Variants in ABCA6 observed in about 807,000 individuals in gnomAD.
The protein encoded by ABCA6 is ATP-binding cassette sub-family A member 6.
In ABCA6, 164 loss-of-function variants were observed where a neutral mutation model predicts 191.2. That is an observed-to-expected ratio of 0.86 (90% CI 0.76 to 0.98). The LOEUF (loss-of-function observed/expected upper bound fraction) is 0.98. Among genes scored for constraint, ABCA6 ranks in the 50% least tolerant of loss-of-function variants. The pLI, the probability that ABCA6 is intolerant of heterozygous loss-of-function variation, is 0.00. For missense variants in ABCA6, 1,958 were observed against 1,894.1 expected (o/e 1.03, Z -0.63); for synonymous variants, 636 against 647.7 (o/e 0.98, Z 0.27).
intron 10 of ABCA6, among the ~76,000 whole-genome samples, chr17:69,120,025 C>G (rs2073612147): frequency 6.6e-6 from 1 of 152,000 alleles, no homozygotes; most frequent in Non-Finnish European, 1.5e-5. Flanking sequence ...TAAGTACAGT[C>G]TGATACCATT....
chr17:69,139,125 A>C (rs1362176897), intron 2 of ABCA6, among the ~76,000 whole-genome samples: 1 of 152,230 alleles, frequency 6.6e-6, no homozygotes, highest in African/African-American at 2.4e-5. Flanking sequence ...GAGCTTCTGC[A>C]CAGCAAAAGA....
chr17:69,113,170 T>G (rs978730828), intron 15 of ABCA6, 52 bp downstream of exon 15: 1 of 1,566,580 alleles, frequency 6.4e-7, no homozygotes, highest in African/African-American at 1.4e-5. Context: ...AGACCTCGCT[T>G]CTAAATTCCC....
Position 69,128,756 on chromosome 17 carries a change from T to A in ABCA6, c.982A>T (p.Thr328Ser). 1 of 1,611,678 alleles carries A rather than the reference T, an allele frequency of 6.2e-7. No homozygotes were observed. Residue 328 changes from threonine (T) to serine (S), a missense_variant, in exon 8 of 39, where the codon ACC (threonine) becomes TCC (serine). By Grantham distance (58) the Thr-to-Ser change is moderately conservative. Transcript: ENST00000284425. ...GTAAGGAGAAACACAACCAAATTGG[T>A]GAGGACAGCTTTCTTTAACAGCACA... ...MSVLLKKAVL[T>S]NLVVFLLTLF...
rs2144707657 is a variant in ABCA6 at position 69,129,731 on chromosome 17, T to C, written c.812A>G (p.Tyr271Cys). 1.2e-6 allele frequency: 2 copies of C among 1,601,398 alleles called. No individual in the cohort carries two copies. The highest frequency in any genetic ancestry group is 1.7e-6 in the Non-Finnish European group (2 of 1,172,206). The change falls in exon 7 of 39, where the codon TAT becomes TGT. Residue 271 changes from tyrosine (Y) to cysteine (C), a missense_variant. By Grantham distance (194) the Tyr-to-Cys change is radical. Transcript: ENST00000284425. ...SAFWLSWGLI[Y>C]AGFIFIISIF... ...GGAAATAATAAAGATGAAGCCAGCA[T>C]AGATTAGACCCCAGGAGAGCCTAAA...
At chr17:69,100,616 C>T (rs370596285) in intron 22 of ABCA6, among the ~76,000 whole-genome samples, 181 bp downstream of exon 22, 4 of 106,714 alleles carry the variant, frequency 3.7e-5, no homozygotes, top group African/African-American at 1.1e-4. Context: ...CGATAATTAT[C>T]TGATAACTTG....
chr17:69,101,145 T>C (rs2073171865), intron 21 of ABCA6, among the ~76,000 whole-genome samples: 1 of 152,188 alleles, frequency 6.6e-6, no homozygotes, highest in Admixed American at 6.5e-5. Context: ...TTCATGTACA[T>C]TAAGCTCTAG....
intron 25 of ABCA6, 82 bp from the exon 26 acceptor site, chr17:69,091,344 T>C (rs2072917627): frequency 1.4e-6 from 2 of 1,451,572 alleles, no homozygotes; most frequent in East Asian, 4.6e-5. Flanking sequence ...GCAGGTGTTC[T>C]CATGATGTAT....
chr17:69,098,936 AT>A (rs1390359393), intron 22 of ABCA6, among the ~76,000 whole-genome samples: 1 of 152,202 alleles, frequency 6.6e-6, no homozygotes, highest in Non-Finnish European at 1.5e-5. Context: ...AAAATGGTCA[AT>A]TTTATATCAT....
rs9890654 is a variant in ABCA6 at position 69,079,375 on chromosome 17, T to C, written c.4697-110A>G. 0.031 allele frequency: 23,534 copies of C among 747,256 alleles called. 4,085 individuals carry two copies. The African/African-American group carries it at 0.37, about 12-fold the overall frequency. 46.3% of individuals were successfully genotyped at this position (747,256 alleles called of 1,614,324 possible). Reference sequence around the variant, plus strand: ...TGTAAATCATTAATATAAATAAAGCTGAATAAGCCAATGCTTGATGTAAGG... The same window carrying C: ...TGTAAATCATTAATATAAATAAAGCCGAATAAGCCAATGCTTGATGTAAGG... On this transcript the variant is annotated intron_variant, in intron 37 of 38. Coordinates refer to ENST00000284425, the MANE Select transcript of ABCA6 (RefSeq NM_080284.3).
At chr17:69,113,532 A>AATGG in intron 14 of ABCA6, 86 bp downstream of exon 14, 2 of 1,595,842 alleles carry the variant, frequency 1.3e-6, no homozygotes, top group Non-Finnish European at 1.7e-6. Context: ...CATTACAATG[A>AATGG]AAGCTCTACC....
At chr17:69,126,552 G>T (rs2073758363) in intron 8 of ABCA6, among the ~76,000 whole-genome samples, 1 of 152,050 alleles carries the variant, frequency 6.6e-6, no homozygotes, top group South Asian at 2.1e-4. Flanking sequence ...CGAGGCCGAG[G>T]CGGGAAGATC....
At chr17:69,098,289 T>A (rs1464039593) in intron 22 of ABCA6, 4 of 364,066 alleles carry the variant, frequency 1.1e-5, no homozygotes, top group Non-Finnish European at 2.0e-5. Context: ...TACCCTCACA[T>A]TCATATTCAT....
chr17:69,134,652 G>T lies in ABCA6; in HGVS notation c.551C>A (p.Thr184Asn). 6.2e-7 allele frequency: 1 copy of T among 1,611,988 alleles called. No individual in the cohort carries two copies. Among genetic ancestry groups the T allele is most frequent in the Non-Finnish European group, 8.5e-7 (1 of 1,178,842 alleles). ...GFVALQTAINTAIIEITTNHP... is the reference protein window; with the variant it reads ...GFVALQTAINNAIIEITTNHP... Reference sequence around the variant, plus strand: ...TCAAGCACTTACTTCTATAATGGCAGTATTAATAGCTGTTTGTAAAGCCAC... The same window carrying T: ...TCAAGCACTTACTTCTATAATGGCATTATTAATAGCTGTTTGTAAAGCCAC... The change falls in exon 5 of 39, where the codon ACT (threonine) becomes AAT (asparagine). Residue 184 changes from threonine to asparagine, a missense_variant. By Grantham distance (65) the Thr-to-Asn change is moderately conservative. Coordinates refer to ENST00000284425, the MANE Select transcript of ABCA6 (RefSeq NM_080284.3).
intron 22 of ABCA6, among the ~76,000 whole-genome samples, chr17:69,099,982 T>C (rs920082963): frequency 1.7e-4 from 26 of 152,188 alleles, no homozygotes; most frequent in African/African-American, 6.0e-4. Context: ...AGACTTCTGG[T>C]GTGAAACAGT....
chr17:69,124,746 A>C (rs2073716918), intron 9 of ABCA6, 142 bp downstream of exon 9: 1 of 442,566 alleles, frequency 2.3e-6, no homozygotes, highest in Admixed American at 4.4e-5. Context: ...AGACCATTAG[A>C]ACTATGAAGT....
At chr17:69,122,213 A>G (rs1383743139) in intron 10 of ABCA6, among the ~76,000 whole-genome samples, 2 of 152,104 alleles carry the variant, frequency 1.3e-5, no homozygotes, top group Non-Finnish European at 2.9e-5. Context: ...TGGGGAAAAT[A>G]AAGATACCTA....
In ABCA6 at chr17:69,085,632, G is replaced by A. The variant is rs1323338862; in HGVS notation, c.4022C>T (p.Ala1341Val). The A allele has an allele frequency of 4.8e-5, 77 of 1,610,404 alleles. No homozygotes were observed. The highest frequency in any genetic ancestry group is 6.5e-5 in the Non-Finnish European group (76 of 1,177,612). The change falls in exon 31 of 39, where the codon GCT becomes GTT. Residue 1341 changes from alanine (A) to valine (V), a missense_variant. Transcript: ENST00000284425. ...RMISGITKPT[A>V]GEVELKGCSS... ...AAACCATTTCCTCACTACCTCTCCAGCAGTTGGCTTTGTGATCCCAGATAT... is the reference window on the plus strand; with the variant it reads ...AAACCATTTCCTCACTACCTCTCCAACAGTTGGCTTTGTGATCCCAGATAT...
At chr17:69,109,937 C>A (rs1187249875) in intron 17 of ABCA6, 1 of 152,070 alleles carries the variant, frequency 6.6e-6, no homozygotes, top group East Asian at 1.9e-4. Context: ...AAAAAAAAAT[C>A]TTATGCTGAT....
chr17:69,102,835 C>A lies in ABCA6; in HGVS notation c.2874G>T (p.Lys958Asn). The change falls in exon 21 of 39, where the codon AAG (lysine) becomes AAT (asparagine). Residue 958 changes from lysine (K) to asparagine (N), a missense_variant and splice_region_variant. Coordinates refer to ENST00000284425, the MANE Select transcript of ABCA6 (RefSeq NM_080284.3). Reference sequence around the variant, plus strand: ...CATAAAAGCAAAAAGGCAAACATACCTTTTGTTTACCAGAAACTATGATAG... The same window carrying A: ...CATAAAAGCAAAAAGGCAAACATACATTTTGTTTACCAGAAACTATGATAG... ...NGAIIVSGKQ[K>N]DYRFSVVCNT... is the part of the protein sequence containing the mutation. 1.3e-6 allele frequency: 2 copies of A among 1,574,102 alleles called. No individual in the cohort carries two copies. The highest frequency in any genetic ancestry group is 1.7e-6 in the Non-Finnish European group (2 of 1,167,712).
Sources: gnomAD v4.1 joint callset for allele counts (sites outside exome capture counted in the v4.1 genomes callset) on GRCh38, gnomAD v4.1.1 for gene constraint, MANE v1.5 for transcripts, NCBI Gene and HGNC (gene_info 2026-07-23, HGNC 2026-07-21) for gene names.